FOXN3: variants seen among roughly 807,000 people sequenced by gnomAD.
FOXN3 encodes forkhead box N3.
Under a neutral mutation model 38.4 loss-of-function variants are expected in FOXN3, and 7 were observed. The observed-to-expected ratio is 0.18, with a 90% confidence interval of 0.10 to 0.34. The LOEUF is 0.34. Among genes scored for constraint, FOXN3 ranks in the 10% least tolerant of loss-of-function variants. The pLI is 1.00. For synonymous variants in FOXN3, 230 were observed against 242.2 expected (o/e 0.95, Z 0.47); for missense variants, 456 against 613.4 (o/e 0.74, Z 2.71).
chr14:89,615,116 A>ATTTTTTTTTTT (rs374606775), intron 1 of FOXN3, among the ~76,000 whole-genome samples: 23 of 106,774 alleles, frequency 2.2e-4, no homozygotes, highest in South Asian at 3.1e-4. Context: ...CCCAATTTCG[A>ATTTTTTTTTTT]TTTTTTTTTT....
chr14:89,349,081 G>A (rs761434852), intron 3 of FOXN3, among the ~76,000 whole-genome samples: 9 of 152,082 alleles, frequency 5.9e-5, no homozygotes, highest in African/African-American at 9.7e-5. Flanking sequence ...GAGTCGGGGG[G>A]TGGGGGTAGA....
chr14:89,533,109 A>C (rs966269995), intron 1 of FOXN3, among the ~76,000 whole-genome samples: 1 of 152,236 alleles, frequency 6.6e-6, no homozygotes, highest in African/African-American at 2.4e-5. Context: ...TGAGAATGTA[A>C]ATAGGCACTG....
chr14:89,205,467 A>T (rs1256864174), intron 4 of FOXN3, among the ~76,000 whole-genome samples: 1 of 152,220 alleles, frequency 6.6e-6, no homozygotes, highest in African/African-American at 2.4e-5. Context: ...CCACACTCCC[A>T]TCGTGTGCCC....
chr14:89,524,404 G>GAAAAAAAAAAAAACAA (rs1894391517), intron 1 of FOXN3, among the ~76,000 whole-genome samples: 1 of 25,600 alleles, frequency 3.9e-5, no homozygotes, highest in Non-Finnish European at 6.1e-5. Flanking sequence ...AAAAAAAAAA[G>GAAAAAAAAAAAAACAA]AAAGAAAGAA....
intron 1 of FOXN3, among the ~76,000 whole-genome samples, chr14:89,415,881 C>CACACACACACACACACAT (rs1566647911): frequency 4.0e-5 from 6 of 148,208 alleles, no homozygotes; most frequent in Non-Finnish European, 7.5e-5. Context: ...CACACACACA[C>CACACACACACACACACAT]ACCCTCTTTT....
chr14:89,467,805 T>TTG, intron 1 of FOXN3, among the ~76,000 whole-genome samples: 2 of 25,976 alleles, frequency 7.7e-5, no homozygotes, highest in Non-Finnish European at 2.1e-4. Context: ...TCTTTCTTTG[T>TTG]TTTTTTTTTT....
At chr14:89,379,445 C>T (rs1169134316) in intron 2 of FOXN3, among the ~76,000 whole-genome samples, 1 of 152,096 alleles carries the variant, frequency 6.6e-6, no homozygotes, top group East Asian at 1.9e-4. Flanking sequence ...CATCAATGGC[C>T]TCTACCTACT....
chr14:89,545,864 T>C (rs1447177714), intron 1 of FOXN3, among the ~76,000 whole-genome samples: 1 of 152,140 alleles, frequency 6.6e-6, no homozygotes, highest in African/African-American at 2.4e-5. Flanking sequence ...CAAACTAACC[T>C]TTCCCTGTTA....
intron 1 of FOXN3, among the ~76,000 whole-genome samples, chr14:89,461,336 C>CA (rs750351493): frequency 0.016 from 2,044 of 128,932 alleles, 48 homozygotes; most frequent in African/African-American, 0.052. Context: ...GGCTCTGTCT[C>CA]AAAAAAAAAA....
intron 1 of FOXN3, among the ~76,000 whole-genome samples, chr14:89,585,682 T>C (rs1895826611): frequency 6.7e-6 from 1 of 150,074 alleles, no homozygotes. Flanking sequence ...AGTACAGTGG[T>C]ATTTACAACT....
In FOXN3 at chr14:89,484,436, A is replaced by G. The variant is rs555977311; in HGVS notation, c.-14-71946T>C. The stretch of plus-strand genomic sequence containing the variant: ...GCTCTGTTTCAATAACATTTTATTT[A>G]GGGACACTGAAATTTGCATTCCATA... On this transcript the variant is annotated intron_variant, in intron 1 of 6. Transcript: ENST00000345097. This position sits in a 1 kb window ranked among gnomAD's most constrained non-coding sequence, Gnocchi z 4.0. Among the ~76,000 whole-genome samples the G allele has an allele frequency of 6.6e-6, 1 of 152,358 alleles. No homozygotes were observed. Among genetic ancestry groups the G allele is most frequent in the East Asian group, 1.9e-4 (1 of 5,194 alleles).
chr14:89,239,860 T>C (rs1481599621), intron 4 of FOXN3, among the ~76,000 whole-genome samples: 1 of 152,230 alleles, frequency 6.6e-6, no homozygotes, highest in East Asian at 1.9e-4. Flanking sequence ...ATTTTCTAAA[T>C]GAGGAGACTG....
intron 3 of FOXN3, among the ~76,000 whole-genome samples, chr14:89,314,342 G>C (rs1201836534): frequency 6.6e-6 from 1 of 152,110 alleles, no homozygotes; most frequent in Non-Finnish European, 1.5e-5. Flanking sequence ...ACACTAGGCT[G>C]GTAATCTAAG....
At chr14:89,431,822 C>A (rs896378446) in intron 1 of FOXN3, among the ~76,000 whole-genome samples, 1 of 152,186 alleles carries the variant, frequency 6.6e-6, no homozygotes, top group Non-Finnish European at 1.5e-5. Flanking sequence ...TCAAGCAATT[C>A]TCCTGCCTCA....
upstream of FOXN3, among the ~76,000 whole-genome samples, chr14:89,420,070 A>G (rs1012519896): frequency 6.6e-6 from 1 of 152,190 alleles, no homozygotes; most frequent in African/African-American, 2.4e-5. Flanking sequence ...GCACAGAACC[A>G]TATTCCTTTC....
At chr14:89,449,625 A>G (rs868384281) in intron 1 of FOXN3, among the ~76,000 whole-genome samples, 1 of 152,252 alleles carries the variant, frequency 6.6e-6, no homozygotes, top group African/African-American at 2.4e-5. Context: ...TGCCAAGGTG[A>G]CATTTGGAAT....
intron 1 of FOXN3, among the ~76,000 whole-genome samples, chr14:89,427,771 C>T (rs1237832005): frequency 3.4e-4 from 52 of 151,890 alleles, no homozygotes; most frequent in Admixed American, 3.4e-3. Context: ...CCTTGAGGGG[C>T]AAGGGACTCT....
At chr14:89,507,498 A>C (rs1893969557) in intron 1 of FOXN3, among the ~76,000 whole-genome samples, 2 of 152,238 alleles carry the variant, frequency 1.3e-5, no homozygotes, top group African/African-American at 2.4e-5. Context: ...AGGTCTTTCT[A>C]TTTGATTGCA....
At chr14:89,404,539 A>C (rs1596255462) in intron 2 of FOXN3, among the ~76,000 whole-genome samples, 1 of 139,216 alleles carries the variant, frequency 7.2e-6, no homozygotes, top group African/African-American at 2.6e-5. Flanking sequence ...AATCGGCAGG[A>C]TGGGTCAGGG....
Sources: gnomAD v4.1 joint callset for allele counts (sites outside exome capture counted in the v4.1 genomes callset) on GRCh38, gnomAD v4.1.1 for gene constraint, Gnocchi (gnomAD v3.1) non-coding constraint, MANE v1.5 for transcripts, NCBI Gene and HGNC (gene_info 2026-07-23, HGNC 2026-07-21) for gene names.